DAB1: variants seen among roughly 807,000 people sequenced by gnomAD.
DAB1 encodes the protein disabled homolog 1.
A neutral mutation model predicts 64.6 loss-of-function variants in DAB1; 15 were observed. The observed-to-expected ratio is 0.23, with a 90% CI of 0.16 to 0.36. The LOEUF is 0.36. Among genes scored for constraint, DAB1 ranks in the 10% least tolerant of loss-of-function variants. The pLI is 1.00. For missense variants in DAB1, 596 were observed against 706.7 expected, an observed-to-expected ratio of 0.84 and a Z score of 1.78; for synonymous variants, 235 against 251.9, an observed-to-expected ratio of 0.93 and a Z score of 0.64.
chr1:57,431,143 C>CACAAAAAAAAAAAAA (rs749097562), intron 7 of DAB1, among the ~76,000 whole-genome samples: 11 of 96,322 alleles, frequency 1.1e-4, no homozygotes, highest in African/African-American at 2.2e-4. Context: ...AGGCCAAAAA[C>CACAAAAAAAAAAAAA]AAAAAAAAAA....
rs117684251 is a variant in DAB1 at position 58,089,568 on chromosome 1, G to C, written n.387+60943C>G. On this transcript the variant is annotated intron_variant and non_coding_transcript_variant, in intron 5 of 20. Transcript: ENST00000485760. ...AATCTGACCTTGTAAAAAATAAAAT[G>C]GTCTGAATTCTTTACATCCTGGCTT... Among the ~76,000 whole-genome samples, 4 of 152,212 alleles carry C rather than the reference G, an allele frequency of 2.6e-5. No homozygotes were observed. In the East Asian group the frequency reaches 5.8e-4, roughly 22 times the overall value.
At chr1:58,088,621 G>A (rs1443431332) in intron 5 of DAB1, among the ~76,000 whole-genome samples, 2 of 152,096 alleles carry the variant, frequency 1.3e-5, no homozygotes, top group African/African-American at 2.4e-5. Flanking sequence ...AGGTATGAAG[G>A]GAAATCATGT....
intron 5 of DAB1, among the ~76,000 whole-genome samples, chr1:58,107,749 T>C (rs4596927): frequency 1.6e-4 from 24 of 151,890 alleles, no homozygotes; most frequent in East Asian, 1.2e-3. Context: ...CCAAAGTACC[T>C]GGGATTACAG....
At chr1:57,082,898 A>G (rs143733162) in intron 4 of DAB1, among the ~76,000 whole-genome samples, 2 of 152,122 alleles carry the variant, frequency 1.3e-5, no homozygotes, top group Non-Finnish European at 1.5e-5. Context: ...ATTTTCAGCA[A>G]CAACATTTTT....
intron 3 of DAB1, among the ~76,000 whole-genome samples, chr1:58,432,073 G>A (rs2100242167): frequency 6.6e-6 from 1 of 152,276 alleles, no homozygotes; most frequent in African/African-American, 2.4e-5. Flanking sequence ...GTCATGCCAA[G>A]AATGCCGTCT....
chr1:58,141,327 G>A (rs902159394), intron 5 of DAB1, among the ~76,000 whole-genome samples: 1 of 152,146 alleles, frequency 6.6e-6, no homozygotes, highest in Admixed American at 6.5e-5. Context: ...GAGAGCGTGT[G>A]TAGGGGAACT....
chr1:57,718,732 A>G (rs1438509750), intron 6 of DAB1, among the ~76,000 whole-genome samples: 1 of 152,240 alleles, frequency 6.6e-6, no homozygotes, highest in Non-Finnish European at 1.5e-5. Context: ...AATGTTATCA[A>G]TATCCCCAGT....
At chr1:57,046,444 T>A (rs1169986659) in intron 9 of DAB1, among the ~76,000 whole-genome samples, 1 of 152,234 alleles carries the variant, frequency 6.6e-6, no homozygotes, top group Non-Finnish European at 1.5e-5. Flanking sequence ...TACACTAGAC[T>A]TTGTTCATTA....
intron 2 of DAB1, among the ~76,000 whole-genome samples, chr1:57,288,525 G>A (rs563986531): frequency 6.6e-6 from 1 of 152,268 alleles, no homozygotes; most frequent in African/African-American, 2.4e-5. Flanking sequence ...TCTACCACGT[G>A]AGGACATGGT....
At chr1:57,889,727 G>A (rs906107031) in intron 5 of DAB1, among the ~76,000 whole-genome samples, 1 of 152,122 alleles carries the variant, frequency 6.6e-6, no homozygotes, top group Non-Finnish European at 1.5e-5. Flanking sequence ...CACATAGATT[G>A]GAGAATTGGT....
intron 7 of DAB1, among the ~76,000 whole-genome samples, chr1:57,505,654 TG>T (rs1644335208): frequency 6.6e-6 from 1 of 152,206 alleles, no homozygotes; most frequent in Non-Finnish European, 1.5e-5. Flanking sequence ...GTTATAGCTT[TG>T]AAATAACTGC....
intron 7 of DAB1, among the ~76,000 whole-genome samples, chr1:57,549,481 G>A (rs1415283103): frequency 6.6e-6 from 1 of 152,180 alleles, no homozygotes; most frequent in Non-Finnish European, 1.5e-5. Context: ...CAAACATGAT[G>A]ACATCATTCA....
chr1:57,923,502 T>C (rs1452352670), intron 5 of DAB1, among the ~76,000 whole-genome samples: 1 of 152,204 alleles, frequency 6.6e-6, no homozygotes, highest in African/African-American at 2.4e-5. Flanking sequence ...TACTGGCAAT[T>C]AGCAATTTGT....
chr1:57,851,024 TA>T (rs1430441027), intron 1 of DAB1, among the ~76,000 whole-genome samples: 4 of 152,314 alleles, frequency 2.6e-5, no homozygotes, highest in African/African-American at 7.2e-5. Flanking sequence ...AACATTCAGT[TA>T]AGCTAATTAA....
At chr1:57,153,344 G>A (rs1425196372) in intron 2 of DAB1, among the ~76,000 whole-genome samples, 1 of 152,084 alleles carries the variant, frequency 6.6e-6, no homozygotes, top group East Asian at 1.9e-4. Context: ...TATTATTAAA[G>A]CTTACTTTTT....
chr1:57,114,123 C>G (rs1043929131), intron 4 of DAB1, among the ~76,000 whole-genome samples: 25 of 152,156 alleles, frequency 1.6e-4, no homozygotes, highest in Non-Finnish European at 3.2e-4. Flanking sequence ...GGGGATCACT[C>G]ACTATGTTCT....
chr1:57,593,886 T>C (rs1645475242), intron 7 of DAB1, among the ~76,000 whole-genome samples: 1 of 152,234 alleles, frequency 6.6e-6, no homozygotes, highest in African/African-American at 2.4e-5. Flanking sequence ...CCAAAAGTTC[T>C]AGCAGAAGTC....
chr1:57,302,274 G>T (rs529881214), intron 1 of DAB1, among the ~76,000 whole-genome samples: 3 of 151,934 alleles, frequency 2.0e-5, no homozygotes, highest in Non-Finnish European at 4.4e-5. Context: ...TGTTGTTTCC[G>T]GATTTGTGAA....
intron 5 of DAB1, among the ~76,000 whole-genome samples, chr1:57,891,703 C>G (rs1380737636): frequency 6.6e-6 from 1 of 152,172 alleles, no homozygotes; most frequent in African/African-American, 2.4e-5. Context: ...TTTGCAGGAA[C>G]ATGGATGAAG....
Sources: allele counts gnomAD v4.1 joint callset (sites outside exome capture counted in the v4.1 genomes callset), GRCh38; gene constraint gnomAD v4.1.1; transcripts MANE v1.5; gene names NCBI Gene and HGNC (gene_info 2026-07-23, HGNC 2026-07-21).